The following PLCD1 variants were observed in gnomAD, a reference collection of about 807,000 sequenced individuals.
PLCD1 encodes the protein 1-phosphatidylinositol 4,5-bisphosphate phosphodiesterase delta-1.
A neutral mutation model predicts 87.4 loss-of-function variants in PLCD1; 71 were observed. That is an observed-to-expected ratio of 0.81 (90% CI 0.67 to 0.99). PLCD1 has a LOEUF of 0.99. Ranked by LOEUF, PLCD1 falls within the 50% of genes least tolerant of loss-of-function variation. The pLI, the probability that PLCD1 is intolerant of heterozygous loss-of-function variation, is 0.00. For missense variants in PLCD1, 867 were observed against 1,001.5 expected, an observed-to-expected ratio of 0.87 and a Z score of 1.81; for synonymous variants, 348 against 399.2, an observed-to-expected ratio of 0.87 and a Z score of 1.53.
In PLCD1 at chr3:38,020,162, C is replaced by A. The variant is rs774248408; in HGVS notation, c.199+26G>T. 3.1e-6 allele frequency: 5 copies of A among 1,605,110 alleles called. No individual in the cohort carries two copies. The East Asian group carries it at 8.9e-5, about 29-fold the overall frequency. On this transcript the variant is annotated intron_variant, in intron 2 of 14. Transcript: ENST00000334661. ...CTGAGCAGATTCCACACTCTATCCC[C>A]TCCCCTGTGACCCCAGGGCACTCAC... is the stretch of plus-strand genomic sequence containing the variant.
At chr3:38,026,024 A>G (rs994247101) in intron 1 of PLCD1, among the ~76,000 whole-genome samples, 3 of 152,246 alleles carry the variant, frequency 2.0e-5, no homozygotes, top group African/African-American at 7.2e-5. Flanking sequence ...TAGATGGACA[A>G]GGTAGATGAG....
At chr3:38,028,379 G>A (rs1700328931) in intron 1 of PLCD1, among the ~76,000 whole-genome samples, 1 of 152,226 alleles carries the variant, frequency 6.6e-6, no homozygotes, top group African/African-American at 2.4e-5. Flanking sequence ...TGGGCCAGGA[G>A]GACCAGGTCT....
chr3:38,026,026 G>T (rs1575359200), intron 1 of PLCD1, among the ~76,000 whole-genome samples: 1 of 152,216 alleles, frequency 6.6e-6, no homozygotes, highest in East Asian at 1.9e-4. Flanking sequence ...GATGGACAAG[G>T]TAGATGAGCT....
At chr3:38,029,169 G>T (rs1700336910) in intron 1 of PLCD1, among the ~76,000 whole-genome samples, 2 of 152,358 alleles carry the variant, frequency 1.3e-5, no homozygotes, top group African/African-American at 4.8e-5. Context: ...TTCCTTCGCC[G>T]CCCCTCCGTG....
In PLCD1 at chr3:38,008,586, G is replaced by T; in HGVS notation, c.1774C>A (p.Arg592Ser). Reference protein sequence around the residue: ...PGPEMDVYQGRFQDNGACGYV... With the variant: ...PGPEMDVYQGSFQDNGACGYV... ...CCACAGGCCCCGTTGTCCTGGAAGC[G>T]GCCCTGGTACACGTCCATCTCTGGC... Residue 592 changes from arginine to serine, a missense_variant, in exon 12 of 15, where the codon CGC becomes AGC. Transcript: ENST00000334661. 1 of 1,614,206 alleles carries T rather than the reference G, an allele frequency of 6.2e-7. No homozygotes were observed. The highest frequency in any genetic ancestry group is 8.5e-7 in the Non-Finnish European group (1 of 1,180,008).
intron 3 of PLCD1, among the ~76,000 whole-genome samples, chr3:38,013,216 T>C (rs1388035779): frequency 6.7e-6 from 1 of 149,456 alleles, no homozygotes; most frequent in Non-Finnish European, 1.5e-5. Flanking sequence ...TTCTTTTTTT[T>C]TTTTTTTTTT....
chr3:38,018,839 G>C lies in PLCD1; in HGVS notation c.199+1349C>G, dbSNP rs769483641. ...TGGCAGCAGGCTGAGCTGGGGCTCC[G>C]TGTGGTTTCCTCAGAATGTTCTGGA... On this transcript the variant is annotated intron_variant, in intron 2 of 14. Transcript: ENST00000334661. This position sits in a 1 kb window ranked among gnomAD's most constrained non-coding sequence, Gnocchi z 5.7. 1 of 152,158 alleles carries C rather than the reference G, an allele frequency of 6.6e-6. No homozygotes were observed. Among genetic ancestry groups the C allele is most frequent in the East Asian group, 1.9e-4 (1 of 5,182 alleles). The allele number at this position is 152,158 out of a possible 1,614,324, so 9.4% of individuals were successfully genotyped here.
Position 38,016,677 on chromosome 3 carries a change from G to A in PLCD1, c.242C>T (p.Thr81Met), listed in dbSNP as rs567665316. The change falls in exon 3 of 15, where the codon ACG (threonine) becomes ATG (methionine). Residue 81 changes from threonine (T) to methionine (M), a missense_variant. Thr to Met is a moderately conservative substitution (Grantham distance 81). Transcript: ENST00000334661. ...DIQEVRMGHRTEGLEKFARDV... is the reference protein window; with the variant it reads ...DIQEVRMGHRMEGLEKFARDV... The stretch of plus-strand genomic sequence containing the variant: ...ACGGGCGAACTTCTCCAGACCCTCC[G>A]TGCGGTGCCCCATTCGCACCTCCTG... 16 of 1,580,122 alleles carry A rather than the reference G, an allele frequency of 1.0e-5. No homozygotes were observed. Among genetic ancestry groups the A allele is most frequent in the African/African-American group, 4.0e-5 (3 of 74,488 alleles).
Position 38,007,649 on chromosome 3 carries a change from G to A in PLCD1, c.*124C>T, listed in dbSNP as rs1037223578. The A allele has an allele frequency of 3.9e-6, 3 of 765,448 alleles. No homozygotes were observed. In the African/African-American group the frequency reaches 5.1e-5, roughly 13 times the overall value. The allele number at this position is 765,448 out of a possible 1,614,324, so 47.4% of individuals were successfully genotyped here. On this transcript the variant is annotated 3_prime_UTR_variant, in exon 15 of 15. Coordinates refer to ENST00000334661, the MANE Select transcript of PLCD1 (RefSeq NM_006225.4). ...GAGGCAGCAGCAGACACTATGTTAG[G>A]GCTGAAGGCAATTTGGGGGCCTAGC...
chr3:38,026,848 C>T (rs1483850885), intron 1 of PLCD1, among the ~76,000 whole-genome samples: 1 of 152,258 alleles, frequency 6.6e-6, no homozygotes, highest in Non-Finnish European at 1.5e-5. Flanking sequence ...GGATGATTCT[C>T]AGACCCACAG....
intron 1 of PLCD1, 87 bp downstream of exon 1, chr3:38,029,419 G>T (rs1700339995): frequency 2.4e-6 from 3 of 1,235,592 alleles, no homozygotes; most frequent in South Asian, 1.3e-5. Context: ...GGCCGAAGGA[G>T]CTGGGGGCTC....
intron 1 of PLCD1, among the ~76,000 whole-genome samples, chr3:38,029,207 C>T (rs1355587315): frequency 6.6e-6 from 1 of 152,260 alleles, no homozygotes; most frequent in African/African-American, 2.4e-5. Flanking sequence ...CCCAGACTTT[C>T]ATGACCAGGA....
At chr3:38,016,783 A>G (rs1700163092) in intron 2 of PLCD1, 64 bp from the exon 3 acceptor site, 4 of 1,208,542 alleles carry the variant, frequency 3.3e-6, no homozygotes, top group Non-Finnish European at 4.8e-6. Flanking sequence ...CCTGACCCTG[A>G]CATGGCCAAG....
At chr3:38,027,440 T>C (rs1362521915) in intron 1 of PLCD1, among the ~76,000 whole-genome samples, 1 of 152,238 alleles carries the variant, frequency 6.6e-6, no homozygotes, top group Non-Finnish European at 1.5e-5. Context: ...ATGAGGAAAC[T>C]GACACACAGG....
chr3:38,022,905 G>A (rs1045437061), intron 1 of PLCD1, among the ~76,000 whole-genome samples: 2 of 151,590 alleles, frequency 1.3e-5, no homozygotes, highest in South Asian at 2.1e-4. Context: ...AAGTAATCAC[G>A]GTTTTTGCTA....
Position 38,010,318 on chromosome 3 carries a change from G to A in PLCD1, c.992+43C>T, listed in dbSNP as rs560815146. 401 of 1,614,108 alleles carry A rather than the reference G, an allele frequency of 2.5e-4. 9 individuals are homozygous for A. In the South Asian group the frequency reaches 3.9e-3, roughly 16 times the overall value. On this transcript the variant is annotated intron_variant, in intron 6 of 14. Coordinates refer to ENST00000334661, the MANE Select transcript of PLCD1 (RefSeq NM_006225.4). ...GCTAGGACCCTCCAGGTCCTGTCCC[G>A]GGTCCCACCCAGACTCCCGACCCAA...
At chr3:38,021,938 C>T (rs1167557548) in intron 1 of PLCD1, among the ~76,000 whole-genome samples, 1 of 152,222 alleles carries the variant, frequency 6.6e-6, no homozygotes, top group African/African-American at 2.4e-5. Flanking sequence ...ACCCTCTGGA[C>T]CACTTCCCCA....
intron 1 of PLCD1, among the ~76,000 whole-genome samples, chr3:38,029,256 G>A (rs112477518): frequency 0.018 from 2,749 of 152,270 alleles, 77 homozygotes; most frequent in African/African-American, 0.062. Context: ...CTTTAGACCC[G>A]TACCGCCCGC....
At chr3:38,029,438 G>A in intron 1 of PLCD1, 68 bp downstream of exon 1, 1 of 1,415,188 alleles carries the variant, frequency 7.1e-7, no homozygotes, top group South Asian at 1.2e-5. Flanking sequence ...TCCCTGTCCA[G>A]GGCCCGGAAC....
Sources: gnomAD v4.1 joint callset for allele counts (sites outside exome capture counted in the v4.1 genomes callset) on GRCh38, gnomAD v4.1.1 for gene constraint, Gnocchi (gnomAD v3.1) non-coding constraint, MANE v1.5 for transcripts, NCBI Gene and HGNC (gene_info 2026-07-23, HGNC 2026-07-21) for gene names.